EP300: variants seen among roughly 807,000 people sequenced by gnomAD.
EP300 encodes the protein EP300 lysine acetyltransferase, also known as histone acetyltransferase p300.
In EP300, 31 loss-of-function variants were observed where a neutral mutation model predicts 264.0. The observed-to-expected ratio is 0.12, with a 90% CI of 0.09 to 0.16. The LOEUF is 0.16. Ranked by LOEUF, EP300 falls within the 10% of genes least tolerant of loss-of-function variation. EP300 has a pLI of 1.00. For synonymous variants in EP300, 1,340 were observed against 1,045.4 expected (o/e 1.28, Z -5.44); for missense variants, 2,766 against 3,052.9 (o/e 0.91, Z 2.21).
intron 14 of EP300, 99 bp downstream of exon 14, chr22:41,150,297 T>C (rs1021787703): frequency 1.2e-5 from 16 of 1,354,562 alleles, no homozygotes; most frequent in Non-Finnish European, 1.5e-5. Flanking sequence ...TATCTCTTAC[T>C]GTTTTCTCCA....
chr22:41,103,353 A>G (rs1461955439), intron 1 of EP300, among the ~76,000 whole-genome samples: 3 of 152,166 alleles, frequency 2.0e-5, no homozygotes, highest in African/African-American at 7.2e-5. Flanking sequence ...AGTCTTAGGT[A>G]TTTGCAATGT....
chr22:41,161,681 T>C (rs969311276), intron 20 of EP300, among the ~76,000 whole-genome samples: 4 of 152,144 alleles, frequency 2.6e-5, no homozygotes, highest in Non-Finnish European at 5.9e-5. Context: ...GAATTCAAAC[T>C]GGGACTGTCT....
chr22:41,155,414 A>G (rs960911332), intron 17 of EP300, among the ~76,000 whole-genome samples: 2 of 152,006 alleles, frequency 1.3e-5, no homozygotes, highest in African/African-American at 2.4e-5. Context: ...TGTATTTTTT[A>G]GTAGAGACGG....
chr22:41,155,180 C>A, intron 17 of EP300, 67 bp downstream of exon 17: 1 of 1,190,470 alleles, frequency 8.4e-7, no homozygotes, highest in African/African-American at 1.5e-5. Flanking sequence ...AGAGATAATT[C>A]ACATTCCAAA....
chr22:41,134,285 A>G (rs111826171), intron 6 of EP300, among the ~76,000 whole-genome samples: 2 of 151,878 alleles, frequency 1.3e-5, no homozygotes, highest in African/African-American at 4.8e-5. Context: ...ATGGATAACT[A>G]GAAACGTACG....
At chr22:41,155,353 T>C (rs147685938) in intron 17 of EP300, among the ~76,000 whole-genome samples, 1 of 152,202 alleles carries the variant, frequency 6.6e-6, no homozygotes, top group African/African-American at 2.4e-5. Flanking sequence ...CTCAGCATCC[T>C]GAGTAGCTGG....
At chr22:41,130,502 C>G (rs372513228) in intron 5 of EP300, among the ~76,000 whole-genome samples, 74 of 152,056 alleles carry the variant, frequency 4.9e-4, no homozygotes, top group African/African-American at 1.7e-3. Context: ...GCAGTCCAGC[C>G]TGGGTGACAC....
intron 10 of EP300, among the ~76,000 whole-genome samples, chr22:41,142,073 T>C (rs1474282995): frequency 6.6e-6 from 1 of 152,216 alleles, no homozygotes; most frequent in Non-Finnish European, 1.5e-5. Context: ...AAGACTATGA[T>C]AAATAGTCTT....
At chr22:41,127,240 TTC>T (rs1004516303) in intron 3 of EP300, among the ~76,000 whole-genome samples, 1 of 152,136 alleles carries the variant, frequency 6.6e-6, no homozygotes, top group South Asian at 2.1e-4. Context: ...TACCATGTCC[TTC>T]TCTCTGCTTT....
At chr22:41,140,070 G>A (rs181036133) in intron 8 of EP300, 70 bp from the exon 9 acceptor site, 6 of 1,058,200 alleles carry the variant, frequency 5.7e-6, no homozygotes, top group East Asian at 2.4e-5. Flanking sequence ...TGTGTTCAGT[G>A]TATAAAAATC....
At position 41,155,131 on chromosome 22, in the gene EP300, C is replaced by G. The variant is rs1569109995; in HGVS notation, c.3261+18C>G. The stretch of plus-strand genomic sequence containing the variant: ...GAATCCCTGTAAGTATTTGGTGGTA[C>G]TTTTGATTTTATTTTTTAATTTGAT... On this transcript the variant is annotated intron_variant, in intron 17 of 30. Transcript: ENST00000263253. 6.5e-7 allele frequency: 1 copy of G among 1,527,114 alleles called. No homozygotes were observed. The highest frequency in any genetic ancestry group is 1.7e-5 in the Admixed American group (1 of 59,826). 94.6% of individuals were successfully genotyped at this position (1,527,114 alleles called of 1,614,324 possible).
Position 41,168,473 on chromosome 22 carries a change from C to A in EP300, c.3899C>A (p.Thr1300Asn). 1 of 1,614,202 alleles carries A rather than the reference C, an allele frequency of 6.2e-7. No homozygotes were observed. Among genetic ancestry groups the A allele is most frequent in the African/African-American group, 1.3e-5 (1 of 75,040 alleles). Residue 1300 changes from threonine to asparagine, a missense_variant, in exon 24 of 31, where the codon ACC (threonine) becomes AAC (asparagine). By Grantham distance (65) the Thr-to-Asn change is moderately conservative (BLOSUM62 0). Coordinates refer to ENST00000263253, the MANE Select transcript of EP300 (RefSeq NM_001429.4). Reference protein sequence around the residue: ...AKRLPSTRLGTFLENRVNDFL... With the variant: ...AKRLPSTRLGNFLENRVNDFL... ...GGGTTGCCATCTACCAGACTTGGCA[C>A]CTTTCTAGAGAATCGTGTGAATGAC...
chr22:41,134,952 G>C (rs190516472), intron 6 of EP300, among the ~76,000 whole-genome samples: 2 of 151,990 alleles, frequency 1.3e-5, no homozygotes, highest in African/African-American at 4.8e-5. Context: ...CTGTCGCCCA[G>C]GCTGGAGTGT....
chr22:41,168,689 G>C (rs2145763197), intron 24 of EP300, 32 bp from the exon 25 acceptor site: 2 of 1,614,230 alleles, frequency 1.2e-6, no homozygotes, highest in Non-Finnish European at 1.7e-6. Context: ...AATGAGTTAT[G>C]TTGTGGTTCC....
At chr22:41,156,621 T>C (rs1256461707) in intron 17 of EP300, among the ~76,000 whole-genome samples, 1 of 152,118 alleles carries the variant, frequency 6.6e-6, no homozygotes, top group Non-Finnish European at 1.5e-5. Flanking sequence ...CTTGGGAGGC[T>C]GAGGCAGGTG....
rs903341980 is a variant in EP300 at position 41,147,766 on chromosome 22, A to G, written c.2132-71A>G. 1.6e-5 allele frequency: 18 copies of G among 1,092,764 alleles called. No individual in the cohort carries two copies. The African/African-American group carries it at 2.6e-4, about 16-fold the overall frequency. 67.7% of individuals were successfully genotyped at this position (1,092,764 alleles called of 1,614,324 possible). On this transcript the variant is annotated intron_variant, in intron 11 of 30. Coordinates refer to ENST00000263253, the MANE Select transcript of EP300 (RefSeq NM_001429.4). ...AAAAAAAAAAGATACAGAATCAGAC[A>G]TAAGAATTCTATCTTTTATTATTCA... is the stretch of plus-strand genomic sequence containing the variant.
rs2059114638 is a variant in EP300, at chr22:41,162,749, A to G, written c.3698A>G (p.Lys1233Arg). The change falls in exon 21 of 31, where the codon AAG (lysine) becomes AGG (arginine). Residue 1233 changes from lysine (K) to arginine (R), a missense_variant. Coordinates refer to ENST00000263253, the MANE Select transcript of EP300 (RefSeq NM_001429.4). ...QTTINKEQFS[K>R]RKNDTLDPEL... Reference sequence around the variant, plus strand: ...ACAATAAATAAAGAACAATTTTCCAAGAGAAAAAATGACACACTGGATCCT... The same window carrying G: ...ACAATAAATAAAGAACAATTTTCCAGGAGAAAAAATGACACACTGGATCCT... The G allele has an allele frequency of 1.2e-6, 2 of 1,612,916 alleles. No homozygotes were observed. Among genetic ancestry groups the G allele is most frequent in the Middle Eastern group, 3.3e-4 (2 of 6,056 alleles).
chr22:41,128,416 A>G (rs1259480028), intron 4 of EP300, among the ~76,000 whole-genome samples: 2 of 152,088 alleles, frequency 1.3e-5, no homozygotes, highest in Non-Finnish European at 1.5e-5. Context: ...ATTCGACATC[A>G]TACCACTGCA....
intron 1 of EP300, among the ~76,000 whole-genome samples, chr22:41,097,726 T>G (rs1244231646): frequency 6.6e-6 from 1 of 152,216 alleles, no homozygotes; most frequent in Non-Finnish European, 1.5e-5. Flanking sequence ...TTGAATATTT[T>G]TTTAAGTGAG....
Sources: gnomAD v4.1 joint callset for allele counts (sites outside exome capture counted in the v4.1 genomes callset) on GRCh38, gnomAD v4.1.1 for gene constraint, MANE v1.5 for transcripts, NCBI Gene and HGNC (gene_info 2026-07-23, HGNC 2026-07-21) for gene names.